Variants in FNBP4 observed in about 807,000 individuals in gnomAD.
The protein encoded by FNBP4 is formin-binding protein 4.
In FNBP4, 34 loss-of-function variants were observed where a neutral mutation model predicts 119.3. The observed-to-expected ratio is 0.28, with a 90% CI of 0.22 to 0.38. FNBP4 has a LOEUF of 0.38. Among genes scored for constraint, FNBP4 ranks in the 10% least tolerant of loss-of-function variants. The pLI is 1.00. For synonymous variants in FNBP4, 462 were observed against 430.6 expected (o/e 1.07, Z -0.90); for missense variants, 1,112 against 1,228.9 (o/e 0.90, Z 1.42).
At chr11:47,758,460 C>G (rs1333464124) in intron 2 of FNBP4, among the ~76,000 whole-genome samples, 1 of 152,086 alleles carries the variant, frequency 6.6e-6, no homozygotes, top group African/African-American at 2.4e-5. Flanking sequence ...CCTGAGCCTC[C>G]CAAAGTGCTG....
At chr11:47,733,728 A>G (rs1471234224) in intron 10 of FNBP4, among the ~76,000 whole-genome samples, 1 of 152,168 alleles carries the variant, frequency 6.6e-6, no homozygotes, top group East Asian at 1.9e-4. Flanking sequence ...GGTTACAAAT[A>G]GGACTCAACT....
chr11:47,746,555 C>T (rs1441597000), intron 6 of FNBP4, among the ~76,000 whole-genome samples, 161 bp from the exon 7 acceptor site: 1 of 151,822 alleles, frequency 6.6e-6, no homozygotes, highest in Non-Finnish European at 1.5e-5. Context: ...CGCACTGTCA[C>T]CCAGGCTGGA....
chr11:47,765,495 T>C lies in FNBP4; in HGVS notation c.221-133A>G, dbSNP rs568767364. ...TTGATTTAACATTTCAGCTCTAGAT[T>C]CCATCAATTTTTTAAAAAGTGCATT... is the stretch of plus-strand genomic sequence containing the variant. On this transcript the variant is annotated intron_variant, in intron 1 of 16. Transcript: ENST00000263773. 82 of 521,408 alleles carry C rather than the reference T, an allele frequency of 1.6e-4. No homozygotes were observed. The African/African-American group carries it at 1.6e-3, about 10-fold the overall frequency. 32.3% of individuals were successfully genotyped at this position (521,408 alleles called of 1,614,324 possible). A position where few individuals can be genotyped will look rare whatever the true frequency, so the allele number is the denominator to read the frequency against.
intron 1 of FNBP4, among the ~76,000 whole-genome samples, 178 bp from the exon 2 acceptor site, chr11:47,765,540 T>G (rs1412266563): frequency 1.0e-5 from 1 of 97,868 alleles, no homozygotes; most frequent in Non-Finnish European, 1.8e-5. Context: ...TTCGCACCTG[T>G]AATCCCAGCA....
chr11:47,720,637 TTA>T (rs1175852006), intron 15 of FNBP4, among the ~76,000 whole-genome samples: 1 of 151,738 alleles, frequency 6.6e-6, no homozygotes, highest in Non-Finnish European at 1.5e-5. Context: ...TTTTATAAAA[TTA>T]TGTCATATAA....
intron 8 of FNBP4, among the ~76,000 whole-genome samples, chr11:47,737,464 G>A (rs1385348456): frequency 6.6e-6 from 1 of 152,092 alleles, no homozygotes; most frequent in Non-Finnish European, 1.5e-5. Flanking sequence ...TTTAGAGACA[G>A]GGTCTCATTC....
intron 2 of FNBP4, 75 bp from the exon 3 acceptor site, chr11:47,754,739 T>C (rs1485900936): frequency 2.6e-6 from 4 of 1,511,194 alleles, no homozygotes; most frequent in Non-Finnish European, 8.9e-7. Flanking sequence ...AGCGGAAGTA[T>C]AACATGTTTT....
chr11:47,764,309 T>C (rs1051788430), intron 2 of FNBP4, among the ~76,000 whole-genome samples: 2 of 152,058 alleles, frequency 1.3e-5, no homozygotes, highest in African/African-American at 2.4e-5. Context: ...CTCGAACTCC[T>C]GAACTCAGGT....
At chr11:47,722,292 A>G (rs755897735) in intron 15 of FNBP4, among the ~76,000 whole-genome samples, 2 of 151,424 alleles carry the variant, frequency 1.3e-5, no homozygotes, top group African/African-American at 2.4e-5. Flanking sequence ...TTTGTCACCC[A>G]GGCTGGAATG....
In FNBP4 at chr11:47,767,091, G is replaced by C; in HGVS notation, c.198C>G (p.Ala66=). ...TTTTAVTAAA[A]SDDSPSEDEQ... ...TGCCTTCTGAAGGCGAGTCGTCCGAGGCCGCGGCGGCAGTCACCGCGGTGG... is the reference window on the plus strand; with the variant it reads ...TGCCTTCTGAAGGCGAGTCGTCCGACGCCGCGGCGGCAGTCACCGCGGTGG... The change falls in exon 1 of 17, where the codon GCC becomes GCG. Residue 66 remains alanine, a synonymous_variant. Transcript: ENST00000263773. The C allele has an allele frequency of 6.5e-7, 1 of 1,530,416 alleles. No homozygotes were observed. Among genetic ancestry groups the C allele is most frequent in the Non-Finnish European group, 8.7e-7 (1 of 1,144,610 alleles). 94.8% of individuals were successfully genotyped at this position (1,530,416 alleles called of 1,614,324 possible).
chr11:47,720,292 G>A (rs542358753), intron 15 of FNBP4, among the ~76,000 whole-genome samples: 1 of 152,318 alleles, frequency 6.6e-6, no homozygotes, highest in South Asian at 2.1e-4. Context: ...AAGCAGGCCA[G>A]GCGCGGTGGC....
In FNBP4 at chr11:47,736,485, G is replaced by A; in HGVS notation, c.1581+131C>T. ...GCAGGAGAATGGCTTGAACCCAGGA[G>A]GCAGGCAGAGGTTGCAGTGAGCTGA... On this transcript the variant is annotated intron_variant, in intron 9 of 16. Transcript: ENST00000263773. The A allele has an allele frequency of 4.7e-6, 3 of 636,704 alleles. No homozygotes were observed. In the South Asian group the frequency reaches 6.2e-5, roughly 13 times the overall value. 39.4% of individuals were successfully genotyped at this position (636,704 alleles called of 1,614,324 possible). A position where few individuals can be genotyped will look rare whatever the true frequency, so the allele number is the denominator to read the frequency against.
At chr11:47,754,693 TAACAAC>T in intron 2 of FNBP4, 29 bp from the exon 3 acceptor site, 1 of 1,608,618 alleles carries the variant, frequency 6.2e-7, no homozygotes, top group Non-Finnish European at 8.5e-7. Flanking sequence ...ACAGTATTTG[TAACAAC>T]AATGTCAATA....
At chr11:47,765,411 A>AAAGAG (rs772186987) in intron 1 of FNBP4, 49 bp from the exon 2 acceptor site, 10 of 1,348,702 alleles carry the variant, frequency 7.4e-6, no homozygotes, top group Non-Finnish European at 1.0e-5. Context: ...AAAGAAAAGA[A>AAAGAG]AAGAAAACTG....
intron 10 of FNBP4, among the ~76,000 whole-genome samples, chr11:47,733,348 TTA>T (rs1491113833): frequency 6.6e-6 from 1 of 152,090 alleles, no homozygotes; most frequent in African/African-American, 2.4e-5. Flanking sequence ...TTTTTTTTTT[TTA>T]GAGACGGACT....
chr11:47,746,020 G>A (rs1218758454), intron 7 of FNBP4, 36 bp downstream of exon 7: 5 of 1,536,246 alleles, frequency 3.3e-6, no homozygotes, highest in Non-Finnish European at 4.4e-6. Flanking sequence ...TAGTACTGAG[G>A]AAAAAACATT....
At position 47,732,286 on chromosome 11, in the gene FNBP4, TG is replaced by T; in HGVS notation, c.1820+250del. ...GCCCGCCCTACTCCGTGCAACACTC[TG>T]GAGAGTAAAAACCAGCTTTGTCCAT... On this transcript the variant is annotated intron_variant, in intron 11 of 16. Transcript: ENST00000263773. This position sits in a 1 kb window ranked among gnomAD's most constrained non-coding sequence, Gnocchi z 4.2. The T allele has an allele frequency of 7.4e-7, 1 of 1,349,814 alleles. No individual in the cohort carries two copies. Among genetic ancestry groups the T allele is most frequent in the East Asian group, 3.1e-5 (1 of 32,650 alleles). 83.6% of individuals were successfully genotyped at this position (1,349,814 alleles called of 1,614,324 possible).
chr11:47,722,274 G>T (rs1203585693), intron 15 of FNBP4, among the ~76,000 whole-genome samples: 1 of 146,062 alleles, frequency 6.8e-6, no homozygotes, highest in Non-Finnish European at 1.5e-5. Context: ...TTAAGACAAA[G>T]TTTCACTTTT....
chr11:47,736,928 G>A (rs1292478567), intron 8 of FNBP4, among the ~76,000 whole-genome samples, 188 bp from the exon 9 acceptor site: 6 of 152,082 alleles, frequency 3.9e-5, no homozygotes, highest in East Asian at 1.9e-4. Context: ...ATTCAGGGCC[G>A]GGCACAGTGG....
Sources: gnomAD v4.1 joint callset for allele counts (sites outside exome capture counted in the v4.1 genomes callset) on GRCh38, gnomAD v4.1.1 for gene constraint, Gnocchi (gnomAD v3.1) non-coding constraint, MANE v1.5 for transcripts, NCBI Gene and HGNC (gene_info 2026-07-23, HGNC 2026-07-21) for gene names.